Variants in BCL2L14 observed in about 807,000 individuals in gnomAD.
The protein encoded by BCL2L14 is apoptosis facilitator Bcl-2-like protein 14.
In BCL2L14, 27 loss-of-function variants were observed where a neutral mutation model predicts 35.3. The observed-to-expected ratio is 0.76, with a 90% CI of 0.56 to 1.05. The LOEUF is 1.05. Ranked by LOEUF, BCL2L14 falls within the 50% of genes least tolerant of loss-of-function variation. The pLI is 0.00. For missense variants in BCL2L14, 377 were observed against 382.6 expected (o/e 0.99, Z 0.12); for synonymous variants, 139 against 145.9 (o/e 0.95, Z 0.34).
At chr12:12,098,024 G>A (rs1949353754) in intron 5 of BCL2L14, among the ~76,000 whole-genome samples, 1 of 151,724 alleles carries the variant, frequency 6.6e-6, no homozygotes, top group African/African-American at 2.4e-5. Flanking sequence ...CAAAGAATGT[G>A]AGAGGGATGA....
intron 2 of BCL2L14, among the ~76,000 whole-genome samples, chr12:12,056,063 A>AGG (rs1948428242): frequency 6.6e-6 from 1 of 151,952 alleles, no homozygotes; most frequent in South Asian, 2.1e-4. Flanking sequence ...CAACTTAGCC[A>AGG]GAATCCCCTG....
intron 3 of BCL2L14, among the ~76,000 whole-genome samples, chr12:12,088,883 T>TA (rs67513616): frequency 0.16 from 24,114 of 150,890 alleles, 2,090 homozygotes; most frequent in Middle Eastern, 0.32. Context: ...CTGAGTCTGC[T>TA]AAAAAAAAAC....
chr12:12,063,492 C>T (rs1275424785), intron 2 of BCL2L14, among the ~76,000 whole-genome samples: 6 of 150,610 alleles, frequency 4.0e-5, no homozygotes, highest in Admixed American at 1.3e-4. Flanking sequence ...ACAATATCAC[C>T]CCTTACCACA....
chr12:12,096,021 T>C (rs1284320684), intron 5 of BCL2L14: 5 of 985,210 alleles, frequency 5.1e-6, no homozygotes, highest in Non-Finnish European at 6.0e-6. Context: ...TTCTACCTAT[T>C]CTTCTTTCCA....
chr12:12,061,729 T>TTACC (rs1490408510), intron 2 of BCL2L14, among the ~76,000 whole-genome samples: 2 of 152,164 alleles, frequency 1.3e-5, no homozygotes, highest in African/African-American at 4.8e-5. Context: ...GCTCAGCAAA[T>TTACC]TACCTGGGCT....
Position 12,090,793 on chromosome 12 carries a change from A to G in BCL2L14, c.622A>G (p.Ile208Val). The G allele has an allele frequency of 6.2e-7, 1 of 1,613,434 alleles. No individual in the cohort carries two copies. Among genetic ancestry groups the G allele is most frequent in the Non-Finnish European group, 8.5e-7 (1 of 1,179,682 alleles). The change falls in exon 4 of 6, where the codon ATA becomes GTA. Residue 208 changes from isoleucine (I) to valine (V), a missense_variant. Coordinates refer to ENST00000308721, the MANE Select transcript of BCL2L14 (RefSeq NM_138723.2). ...SSSKKDEEEQ[I>V]LAKIVELLKY... ...TTCCCCGACAGATGAAGAAGAACAA[A>G]TACTAGCCAAAATTGTTGAGCTGCT...
intron 3 of BCL2L14, among the ~76,000 whole-genome samples, chr12:12,089,579 TC>T (rs1949130615): frequency 6.6e-6 from 1 of 151,672 alleles, no homozygotes. Context: ...ACACCTGTAG[TC>T]CCAGCTACTC....
chr12:12,061,757 C>T (rs1385181224), intron 2 of BCL2L14, among the ~76,000 whole-genome samples: 1 of 152,204 alleles, frequency 6.6e-6, no homozygotes, highest in African/African-American at 2.4e-5. Context: ...CGGAAGGCTT[C>T]ACAGACAGCC....
intron 2 of BCL2L14, among the ~76,000 whole-genome samples, chr12:12,059,755 A>G (rs941858687): frequency 6.6e-6 from 1 of 152,088 alleles, no homozygotes; most frequent in Non-Finnish European, 1.5e-5. Context: ...CACCTGACCT[A>G]AAATCTAAGT....
At chr12:12,053,333 C>G (rs1194806786) in intron 2 of BCL2L14, among the ~76,000 whole-genome samples, 5 of 151,954 alleles carry the variant, frequency 3.3e-5, no homozygotes, top group Non-Finnish European at 7.4e-5. Flanking sequence ...TTTTCTTCCT[C>G]GAAAAACACA....
intron 4 of BCL2L14, 66 bp downstream of exon 4, chr12:12,090,915 T>C (rs760224194): frequency 8.4e-6 from 11 of 1,315,100 alleles, no homozygotes; most frequent in East Asian, 2.5e-5. Flanking sequence ...GAGAATGGAA[T>C]TGTATTCCAG....
At chr12:12,065,717 T>G (rs1287587361) in intron 2 of BCL2L14, among the ~76,000 whole-genome samples, 1 of 151,824 alleles carries the variant, frequency 6.6e-6, no homozygotes, top group East Asian at 1.9e-4. Context: ...GAGTCCAGAG[T>G]TGTCTCCAGC....
intron 4 of BCL2L14, among the ~76,000 whole-genome samples, chr12:12,091,155 C>T (rs984804410): frequency 2.6e-5 from 4 of 152,220 alleles, no homozygotes; most frequent in Non-Finnish European, 5.9e-5. Context: ...TTATTAATCT[C>T]ATTCCCCATG....
At chr12:12,069,798 G>GAA (rs2136726434), upstream of BCL2L14, among the ~76,000 whole-genome samples, 1 of 152,016 alleles carries the variant, frequency 6.6e-6, no homozygotes, top group Non-Finnish European at 1.5e-5. Flanking sequence ...GACCTCACTG[G>GAA]TGCAAAAAAT....
At chr12:12,092,507 A>G (rs1442309490) in intron 4 of BCL2L14, among the ~76,000 whole-genome samples, 1 of 152,140 alleles carries the variant, frequency 6.6e-6, no homozygotes, top group African/African-American at 2.4e-5. Context: ...TCCCAAGAGC[A>G]CACACAGCCC....
intron 2 of BCL2L14, among the ~76,000 whole-genome samples, chr12:12,054,393 A>T (rs904090037): frequency 4.6e-5 from 7 of 151,602 alleles, no homozygotes; most frequent in Non-Finnish European, 4.4e-5. Flanking sequence ...AATCCCAGTT[A>T]CTTGGGAGGC....
chr12:12,079,255 G>A (rs1289642471), intron 1 of BCL2L14, 44 bp from the exon 2 acceptor site: 2 of 1,496,680 alleles, frequency 1.3e-6, no homozygotes, highest in African/African-American at 2.8e-5. Flanking sequence ...CAAAGGGTAA[G>A]TGGCCCTGCA....
chr12:12,058,615 A>G (rs1236459744), intron 2 of BCL2L14, among the ~76,000 whole-genome samples: 1 of 151,374 alleles, frequency 6.6e-6, no homozygotes, highest in Non-Finnish European at 1.5e-5. Flanking sequence ...TGCCCGCCAG[A>G]GAACCCCCCT....
At chr12:12,062,290 C>G (rs1369583954) in intron 2 of BCL2L14, among the ~76,000 whole-genome samples, 1 of 80,492 alleles carries the variant, frequency 1.2e-5, no homozygotes, top group Non-Finnish European at 2.5e-5. Context: ...CTGTATCTCT[C>G]TGATCCACCT....
Sources: allele counts gnomAD v4.1 joint callset (sites outside exome capture counted in the v4.1 genomes callset), GRCh38; gene constraint gnomAD v4.1.1; transcripts MANE v1.5; gene names NCBI Gene and HGNC (gene_info 2026-07-23, HGNC 2026-07-21).